The following PLEKHG5 variants were observed in gnomAD, a reference collection of about 807,000 sequenced individuals.
The protein encoded by PLEKHG5 is pleckstrin homology and RhoGEF domain containing G5.
In PLEKHG5, 52 loss-of-function variants were observed where a neutral mutation model predicts 103.8. The observed-to-expected ratio is 0.50, with a 90% CI of 0.40 to 0.63. The LOEUF is 0.63. Ranked by LOEUF, PLEKHG5 falls within the 30% of genes least tolerant of loss-of-function variation. The pLI, the probability that PLEKHG5 is intolerant of heterozygous loss-of-function variation, is 0.00. For synonymous variants in PLEKHG5, 592 were observed against 575.5 expected, an observed-to-expected ratio of 1.03 and a Z score of -0.41; for missense variants, 1,205 against 1,347.6, an observed-to-expected ratio of 0.89 and a Z score of 1.66.
chr1:6,476,782 T>C (rs1264639479), intron 2 of PLEKHG5, among the ~76,000 whole-genome samples: 2 of 152,096 alleles, frequency 1.3e-5, no homozygotes, highest in Non-Finnish European at 2.9e-5. Context: ...TAAGACAGGG[T>C]CTTGCTCTGT....
chr1:6,475,193 C>T (rs529971389), intron 4 of PLEKHG5, 55 bp from the exon 5 acceptor site: 12 of 953,898 alleles, frequency 1.3e-5, no homozygotes, highest in African/African-American at 1.7e-5. Context: ...CCCTCATTCC[C>T]GCCCTCCTCC....
chr1:6,475,862 G>T, intron 3 of PLEKHG5, 69 bp downstream of exon 3: 1 of 1,262,498 alleles, frequency 7.9e-7, no homozygotes, highest in Non-Finnish European at 1.2e-6. Context: ...ATCTGGTCCT[G>T]AATGTCTGAT....
At chr1:6,516,582 G>A (rs1044470329) in intron 1 of PLEKHG5, among the ~76,000 whole-genome samples, 4 of 150,920 alleles carry the variant, frequency 2.7e-5, no homozygotes, top group African/African-American at 7.3e-5. Context: ...GCTTGAACCC[G>A]GGAGGTGGGG....
Position 6,472,604 on chromosome 1 carries a change from A to C in PLEKHG5, c.1003T>G (p.Cys335Gly). ...TCCCACACCGCCTCCTGCTGGTGGC[A>C]CTGCCGCCGGGTCAGCTTCTAGAGG... ...DGHEKLTRRQ[C>G]HQQEAVWELL... Residue 335 changes from cysteine (C) to glycine (G), a missense_variant, in exon 10 of 21, where the codon TGC (cysteine) becomes GGC (glycine). By Grantham distance (159) the Cys-to-Gly change is radical (BLOSUM62 -3). Coordinates refer to ENST00000377728, the MANE Select transcript of PLEKHG5 (RefSeq NM_020631.6). The C allele has an allele frequency of 1.9e-6, 3 of 1,612,802 alleles. No homozygotes were observed. The South Asian group carries it at 3.3e-5, about 18-fold the overall frequency.
intron 1 of PLEKHG5, among the ~76,000 whole-genome samples, chr1:6,507,097 G>T (rs893506970): frequency 2.0e-5 from 3 of 152,328 alleles, no homozygotes; most frequent in African/African-American, 7.2e-5. Flanking sequence ...ATTCCAGAGT[G>T]TTGTCCAAAC....
At chr1:6,480,105 C>T (rs576047654) in intron 1 of PLEKHG5, among the ~76,000 whole-genome samples, 24 of 152,222 alleles carry the variant, frequency 1.6e-4, no homozygotes, top group African/African-American at 5.3e-4. Flanking sequence ...CCTTTTTCCC[C>T]TATAATTAAT....
chr1:6,496,498 C>G, upstream of PLEKHG5: 1 of 1,603,402 alleles, frequency 6.2e-7, no homozygotes, highest in Non-Finnish European at 8.5e-7. Flanking sequence ...CCTACCTTGG[C>G]CGCCCGCCCC....
chr1:6,507,031 GAGA>G (rs1467500268), intron 1 of PLEKHG5, among the ~76,000 whole-genome samples: 21 of 152,228 alleles, frequency 1.4e-4, no homozygotes, highest in Non-Finnish European at 2.9e-4. Context: ...AAAGAACCAT[GAGA>G]AGAAGAAAAA....
chr1:6,505,483 C>A lies in PLEKHG5; in HGVS notation c.-164-8914G>T, dbSNP rs1638288350. On this transcript the variant is annotated intron_variant, in intron 1 of 21. Transcript: ENST00000377740. The surrounding 1 kb of genome is among the most constrained non-coding windows in gnomAD (Gnocchi z 4.2). ...CCATTCACAGCTCCCCAACCTCTCA[C>A]CCCCAGGAGCAGTCCAACGTCCCAC... is the stretch of plus-strand genomic sequence containing the variant. Among the ~76,000 whole-genome samples the A allele has an allele frequency of 6.6e-6, 1 of 152,170 alleles. No homozygotes were observed. The highest frequency in any genetic ancestry group is 6.5e-5 in the Admixed American group (1 of 15,282).
At chr1:6,516,612 A>T (rs1270914778) in intron 1 of PLEKHG5, among the ~76,000 whole-genome samples, 2 of 151,432 alleles carry the variant, frequency 1.3e-5, no homozygotes, top group East Asian at 3.9e-4. Flanking sequence ...AGCCGAGATC[A>T]CACCACTGCA....
At position 6,518,634 on chromosome 1, in the gene PLEKHG5, G is replaced by A. The variant is rs189116846; in HGVS notation, c.-165+811C>T. On this transcript the variant is annotated intron_variant, in intron 1 of 21. Transcript: ENST00000377740. ...CAGGAGGAATTTCCTGGCCCTTCCCGAGAGCTACAAAGACAAGGTTGGGAA... is the reference window on the plus strand; with the variant it reads ...CAGGAGGAATTTCCTGGCCCTTCCCAAGAGCTACAAAGACAAGGTTGGGAA... Among the ~76,000 whole-genome samples, 186 of 151,884 alleles carry A rather than the reference G, an allele frequency of 1.2e-3. 1 individual carries two copies. The highest frequency in any genetic ancestry group is 2.5e-3 in the South Asian group (12 of 4,792).
intron 20 of PLEKHG5, 115 bp downstream of exon 20, chr1:6,467,710 C>T (rs1218325924): frequency 3.4e-6 from 5 of 1,480,524 alleles, no homozygotes; most frequent in Non-Finnish European, 2.8e-6. Context: ...AGACACTGGG[C>T]AGGGTTCAGG....
At chr1:6,497,324 G>T, upstream of PLEKHG5, 2 of 1,129,100 alleles carry the variant, frequency 1.8e-6, no homozygotes, top group Non-Finnish European at 2.4e-6. This position sits in a 1 kb window ranked among gnomAD's most constrained non-coding sequence, Gnocchi z 6.1. Context: ...ACTCACCCAT[G>T]GAGCAGGCCC....
chr1:6,512,115 G>A (rs3935435), intron 1 of PLEKHG5, among the ~76,000 whole-genome samples: 39,265 of 152,086 alleles, frequency 0.26, 5,649 homozygotes, highest in East Asian at 0.6. Flanking sequence ...CCATCACCCC[G>A]TTTTACAGAG....
chr1:6,494,021 G>C (rs1368766662), upstream of PLEKHG5, among the ~76,000 whole-genome samples: 1 of 150,958 alleles, frequency 6.6e-6, no homozygotes, highest in Admixed American at 6.6e-5. Context: ...GCACAATCAC[G>C]GCTCACTGCA....
intron 1 of PLEKHG5, among the ~76,000 whole-genome samples, chr1:6,519,235 T>C (rs1041101298): frequency 6.6e-6 from 1 of 152,198 alleles, no homozygotes; most frequent in Non-Finnish European, 1.5e-5. Context: ...TCAGAGCTGA[T>C]GGCTCAAACT....
chr1:6,512,425 C>G (rs1638499334), intron 1 of PLEKHG5, among the ~76,000 whole-genome samples: 1 of 152,132 alleles, frequency 6.6e-6, no homozygotes, highest in Non-Finnish European at 1.5e-5. Context: ...ACCTTCGAGC[C>G]CACTGGCATG....
At chr1:6,479,280 TC>T (rs1254757269) in intron 1 of PLEKHG5, among the ~76,000 whole-genome samples, 3 of 149,478 alleles carry the variant, frequency 2.0e-5, no homozygotes, top group Non-Finnish European at 3.0e-5. Flanking sequence ...TGTCTGTTTA[TC>T]CTTTTTTTTT....
chr1:6,483,573 G>A (rs1644952154), intron 1 of PLEKHG5, among the ~76,000 whole-genome samples: 1 of 152,198 alleles, frequency 6.6e-6, no homozygotes, highest in African/African-American at 2.4e-5. Flanking sequence ...GCTGAGGTGG[G>A]AAGATTGCTG....
Sources: gnomAD v4.1 joint callset for allele counts (sites outside exome capture counted in the v4.1 genomes callset) on GRCh38, gnomAD v4.1.1 for gene constraint, Gnocchi (gnomAD v3.1) non-coding constraint, MANE v1.5 for transcripts, NCBI Gene and HGNC (gene_info 2026-07-23, HGNC 2026-07-21) for gene names.